The following PCCA variants were observed in gnomAD, a reference collection of about 807,000 sequenced individuals.
The protein encoded by PCCA is propionyl-CoA carboxylase alpha chain, mitochondrial.
In PCCA, 74 loss-of-function variants were observed where a neutral mutation model predicts 101.3. The observed-to-expected ratio is 0.73, with a 90% confidence interval of 0.61 to 0.89. PCCA has a LOEUF of 0.89. Among genes scored for constraint, PCCA ranks in the 40% least tolerant of loss-of-function variants. The probability of loss-of-function intolerance (pLI) is 0.00; values close to 1 mark genes in which losing one functional copy is unlikely to be tolerated. For synonymous variants in PCCA, 294 were observed against 313.6 expected, an observed-to-expected ratio of 0.94 and a Z score of 0.66; for missense variants, 891 against 907.0, an observed-to-expected ratio of 0.98 and a Z score of 0.23.
rs568332784 is a variant in PCCA, at chr13:100,322,681, C to G, written c.1430-7880C>G. 2.6e-5 allele frequency among the ~76,000 whole-genome samples: 4 copies of G among 152,064 alleles called. No individual in the cohort carries two copies. The South Asian group carries it at 8.3e-4, about 32-fold the overall frequency. ...GAACTCCTGGGCTCAAGTGATCTTC[C>G]TGCCTCAGCCTCCCAAGTACCTGGG... On this transcript the variant is annotated intron_variant, in intron 16 of 23. Transcript: ENST00000376285.
chr13:100,487,530 A>AT (rs1566436582), intron 21 of PCCA, among the ~76,000 whole-genome samples: 1 of 151,998 alleles, frequency 6.6e-6, no homozygotes, highest in Non-Finnish European at 1.5e-5. Context: ...TTAAATTAAT[A>AT]TTTTTTATTT....
intron 17 of PCCA, among the ~76,000 whole-genome samples, chr13:100,335,706 TAATA>T (rs2070340276): frequency 6.6e-6 from 1 of 152,144 alleles, no homozygotes; most frequent in Non-Finnish European, 1.5e-5. Context: ...AACATGGACA[TAATA>T]AATGTGGTGA....
At chr13:100,240,936 A>G (rs1019633774) in intron 8 of PCCA, among the ~76,000 whole-genome samples, 6 of 151,968 alleles carry the variant, frequency 3.9e-5, no homozygotes, top group Non-Finnish European at 7.4e-5. Flanking sequence ...ACATATGCAT[A>G]TATATATATA....
intron 18 of PCCA, among the ~76,000 whole-genome samples, chr13:100,357,055 GT>G: frequency 6.6e-6 from 1 of 152,300 alleles, no homozygotes; most frequent in East Asian, 1.9e-4. Context: ...GGAATGTAGA[GT>G]AACTGCTCTC....
chr13:100,098,328 T>A (rs1399985392), intron 1 of PCCA, among the ~76,000 whole-genome samples: 1 of 152,222 alleles, frequency 6.6e-6, no homozygotes, highest in Non-Finnish European at 1.5e-5. Flanking sequence ...TTACATTTTC[T>A]GGGTACTAAG....
At chr13:100,336,446 A>G (rs1355352452) in intron 17 of PCCA, among the ~76,000 whole-genome samples, 1 of 152,194 alleles carries the variant, frequency 6.6e-6, no homozygotes, top group Non-Finnish European at 1.5e-5. Context: ...TCATAGTGGC[A>G]TGTCACAAAG....
chr13:100,097,360 C>T (rs1278909545), intron 1 of PCCA, among the ~76,000 whole-genome samples: 2 of 152,080 alleles, frequency 1.3e-5, no homozygotes, highest in African/African-American at 4.8e-5. Flanking sequence ...ATACTAAAAA[C>T]CACGGAGTTG....
chr13:100,244,271 T>A (rs1445890146), intron 8 of PCCA, among the ~76,000 whole-genome samples: 1 of 152,210 alleles, frequency 6.6e-6, no homozygotes, highest in African/African-American at 2.4e-5. Flanking sequence ...AGTGATGTGG[T>A]CATTTGAGAT....
intron 23 of PCCA, among the ~76,000 whole-genome samples, chr13:100,528,861 C>G (rs951996179): frequency 6.6e-6 from 1 of 152,206 alleles, no homozygotes; most frequent in Non-Finnish European, 1.5e-5. Flanking sequence ...CCTAGTATCA[C>G]GACATCCATC....
chr13:100,253,692 T>C (rs1292313710), intron 8 of PCCA, among the ~76,000 whole-genome samples: 1 of 152,120 alleles, frequency 6.6e-6, no homozygotes. Flanking sequence ...CCTCTTTTAT[T>C]GTGCAGAAGA....
Position 100,235,874 on chromosome 13 carries a change from A to T in PCCA, c.633A>T (p.Glu211Asp). Residue 211 changes from glutamate to aspartate, a missense_variant, in exon 8 of 24, where the codon GAA becomes GAT. Glu to Asp is a conservative substitution (Grantham distance 45, BLOSUM62 2). Coordinates refer to ENST00000376285, the MANE Select transcript of PCCA (RefSeq NM_000282.4). The stretch of plus-strand genomic sequence containing the variant: ...AAGAAGCTGTCAGAATTGCAAGGGA[A>T]ATTGGTAAGTCCTTAAATTAACTTT... ...DAEEAVRIAR[E>D]IGYPVMIKAS... 3 of 1,599,316 alleles carry T rather than the reference A, an allele frequency of 1.9e-6. No homozygotes were observed. Among genetic ancestry groups the T allele is most frequent in the Non-Finnish European group, 2.6e-6 (3 of 1,166,576 alleles).
intron 21 of PCCA, among the ~76,000 whole-genome samples, chr13:100,512,561 C>G (rs185385760): frequency 2.6e-5 from 4 of 152,306 alleles, no homozygotes; most frequent in South Asian, 2.1e-4. Flanking sequence ...TGACCAGCCC[C>G]GAGCTCACTG....
chr13:100,315,946 T>C (rs1158964763), intron 16 of PCCA, among the ~76,000 whole-genome samples: 1 of 152,224 alleles, frequency 6.6e-6, no homozygotes, highest in African/African-American at 2.4e-5. Context: ...TTTCCTGGGA[T>C]GTGAAAAGAA....
chr13:100,186,613 G>A (rs1300394923), intron 6 of PCCA, among the ~76,000 whole-genome samples: 2 of 151,800 alleles, frequency 1.3e-5, no homozygotes, highest in Non-Finnish European at 2.9e-5. Flanking sequence ...GTGGTGGCAC[G>A]TGCCTGTAGT....
chr13:100,390,874 G>A (rs570501330), intron 19 of PCCA, among the ~76,000 whole-genome samples: 1 of 152,326 alleles, frequency 6.6e-6, no homozygotes, highest in East Asian at 1.9e-4. Flanking sequence ...TAAAGGCATG[G>A]TCGTTAAGAG....
intron 16 of PCCA, among the ~76,000 whole-genome samples, chr13:100,313,768 G>T (rs2067119936): frequency 6.6e-6 from 1 of 152,136 alleles, no homozygotes; most frequent in Non-Finnish European, 1.5e-5. Flanking sequence ...GAGGTTAAAA[G>T]CAAGATAAAG....
chr13:100,528,317 T>G (rs920406735), intron 23 of PCCA, among the ~76,000 whole-genome samples: 1 of 152,224 alleles, frequency 6.6e-6, no homozygotes, highest in Non-Finnish European at 1.5e-5. Context: ...AGTAACTTCA[T>G]TATTCTTCCT....
In PCCA at chr13:100,268,777, CACCAAGGTAAGTCTCCTAAGAAACATTT is replaced by C; in HGVS notation, c.910_914+23del. ...AGAAATCAGAAGGTGGTGGAGGAAG[CACCAAGGTAAGTCTCCTAAGAAACATTT>C]ATAAAGCGGCTGCTTTTATGCATTT... On this transcript the variant is annotated splice_donor_variant and splice_donor_5th_base_variant and coding_sequence_variant and intron_variant, in exon 11 of 24. Transcript: ENST00000376285. LOFTEE classifies it high-confidence loss of function. 2 of 1,611,152 alleles carry C rather than the reference CACCAAGGTAAGTCTCCTAAGAAACATTT, an allele frequency of 1.2e-6. No homozygotes were observed. Among genetic ancestry groups the C allele is most frequent in the Non-Finnish European group, 1.7e-6 (2 of 1,177,276 alleles).
At chr13:100,305,301 A>G (rs902088333) in intron 14 of PCCA, among the ~76,000 whole-genome samples, 1 of 152,228 alleles carries the variant, frequency 6.6e-6, no homozygotes, top group African/African-American at 2.4e-5. Context: ...AAAGACAGTT[A>G]TATTTAATTA....
Sources: allele counts gnomAD v4.1 joint callset (sites outside exome capture counted in the v4.1 genomes callset), GRCh38; gene constraint gnomAD v4.1.1; transcripts MANE v1.5; gene names NCBI Gene and HGNC (gene_info 2026-07-23, HGNC 2026-07-21).